The following CORO2B variants were observed in gnomAD, a reference collection of about 807,000 sequenced individuals.
CORO2B encodes the protein coronin 2B.
Under a neutral mutation model 58.8 loss-of-function variants are expected in CORO2B, and 26 were observed. That is an observed-to-expected ratio of 0.44 (90% CI 0.32 to 0.61). The LOEUF (loss-of-function observed/expected upper bound fraction) is 0.61, where lower values mean the gene tolerates loss of function less well. CORO2B is among the 20% of genes least tolerant of loss of function. The probability of loss-of-function intolerance (pLI) is 0.04; values close to 1 mark genes in which losing one functional copy is unlikely to be tolerated. For synonymous variants in CORO2B, 242 were observed against 253.8 expected, an observed-to-expected ratio of 0.95 and a Z score of 0.44; for missense variants, 460 against 645.1, an observed-to-expected ratio of 0.71 and a Z score of 3.11.
chr15:68,528,976 T>C, the CORO2B span, among the ~76,000 whole-genome samples: 1 of 152,228 alleles, frequency 6.6e-6, no homozygotes, highest in Non-Finnish European at 1.5e-5. Context: ...GCTAAATGGC[T>C]AAAGCAAACC....
At chr15:68,679,906 C>A (rs1016182791) in intron 2 of CORO2B, among the ~76,000 whole-genome samples, 2 of 152,200 alleles carry the variant, frequency 1.3e-5, no homozygotes, top group African/African-American at 4.8e-5. Context: ...CTTCTCTGGC[C>A]CCTTACATAT....
upstream of CORO2B, among the ~76,000 whole-genome samples, chr15:68,574,985 T>A (rs1899252685): frequency 6.6e-6 from 1 of 152,184 alleles, no homozygotes; most frequent in Non-Finnish European, 1.5e-5. Context: ...TACCCCACAA[T>A]GTGTACCGTA....
chr15:68,703,964 T>G (rs907783503), intron 3 of CORO2B, among the ~76,000 whole-genome samples: 2 of 151,570 alleles, frequency 1.3e-5, no homozygotes, highest in Admixed American at 1.3e-4. Flanking sequence ...AAGGCAGAGG[T>G]GGGCAGATCA....
the CORO2B span, among the ~76,000 whole-genome samples, chr15:68,572,725 T>C: frequency 6.6e-6 from 1 of 152,184 alleles, no homozygotes; most frequent in African/African-American, 2.4e-5. Flanking sequence ...TGAGAACTGC[T>C]GATTAGGTGT....
At chr15:68,699,903 C>A (rs1892599328) in intron 3 of CORO2B, among the ~76,000 whole-genome samples, 3 of 152,212 alleles carry the variant, frequency 2.0e-5, no homozygotes, top group Non-Finnish European at 4.4e-5. Context: ...AGTTCAGATT[C>A]ATCACGCTCA....
chr15:68,593,941 G>T (rs1436356091), intron 1 of CORO2B, among the ~76,000 whole-genome samples: 1 of 152,032 alleles, frequency 6.6e-6, no homozygotes, highest in Non-Finnish European at 1.5e-5. Flanking sequence ...AAGGGGAAGG[G>T]CTCATTTGGG....
At chr15:68,566,280 C>T in the CORO2B span, among the ~76,000 whole-genome samples, 2 of 152,124 alleles carry the variant, frequency 1.3e-5, no homozygotes, top group African/African-American at 2.4e-5. Flanking sequence ...CCGTCATTAT[C>T]CCCATTTGAT....
intron 1 of CORO2B, among the ~76,000 whole-genome samples, chr15:68,612,032 A>G (rs568708722): frequency 1.3e-5 from 2 of 152,196 alleles, no homozygotes; most frequent in Admixed American, 6.5e-5. Context: ...CCACTGCCCA[A>G]AGTGCAGAGG....
the CORO2B span, among the ~76,000 whole-genome samples, chr15:68,565,793 A>G: frequency 1.3e-5 from 2 of 152,300 alleles, no homozygotes; most frequent in East Asian, 3.9e-4. Flanking sequence ...TGTTCTGGAT[A>G]GAAATAATAC....
At chr15:68,678,110 T>C (rs1567005766) in intron 2 of CORO2B, among the ~76,000 whole-genome samples, 1 of 152,154 alleles carries the variant, frequency 6.6e-6, no homozygotes, top group East Asian at 1.9e-4. Flanking sequence ...CACTTGACTT[T>C]CCCCCCAGAT....
Position 68,669,780 on chromosome 15 carries a change from G to T in CORO2B, c.216+24420G>T, listed in dbSNP as rs189771472. ...AAATAAGAAAAAATAAATAAGGCTG[G>T]GTGTGGTGGCTCATGCCTATAATCC... is the stretch of plus-strand genomic sequence containing the variant. On this transcript the variant is annotated intron_variant, in intron 2 of 11. Transcript: ENST00000261861. Among the ~76,000 whole-genome samples, 262 of 148,276 alleles carry T rather than the reference G, an allele frequency of 1.8e-3. 1 individual carries two copies. The highest frequency in any genetic ancestry group is 6.2e-3 in the African/African-American group (253 of 40,918).
At chr15:68,585,533 G>A (rs143891009) in intron 1 of CORO2B, among the ~76,000 whole-genome samples, 1 of 152,296 alleles carries the variant, frequency 6.6e-6, no homozygotes, top group African/African-American at 2.4e-5. Context: ...TGAATGAATG[G>A]GTGGGGAGCA....
chr15:68,547,794 C>G, the CORO2B span, among the ~76,000 whole-genome samples: 5 of 152,304 alleles, frequency 3.3e-5, no homozygotes, highest in South Asian at 1.0e-3. Context: ...GACATATGTT[C>G]CATAAATATT....
intron 1 of CORO2B, among the ~76,000 whole-genome samples, chr15:68,620,032 C>T (rs1322852023): frequency 2.6e-5 from 4 of 152,252 alleles, no homozygotes; most frequent in East Asian, 3.9e-4. Context: ...CTGCCTCAGC[C>T]TCCTGAGTAG....
intron 8 of CORO2B, 131 bp from the exon 9 acceptor site, chr15:68,718,567 C>G: frequency 1.4e-6 from 1 of 739,748 alleles, no homozygotes; most frequent in East Asian, 2.7e-5. Flanking sequence ...ACCCCCTGCC[C>G]TCTGCATGGG....
At chr15:68,640,758 T>C (rs73425118) in intron 1 of CORO2B, among the ~76,000 whole-genome samples, 3,922 of 152,300 alleles carry the variant, frequency 0.026, 176 homozygotes, top group African/African-American at 0.091. Flanking sequence ...AGGAAATGCA[T>C]GCTGAAGTAA....
chr15:68,717,046 G>A (rs1415665262), intron 8 of CORO2B, among the ~76,000 whole-genome samples: 1 of 152,160 alleles, frequency 6.6e-6, no homozygotes, highest in African/African-American at 2.4e-5. Flanking sequence ...GCTCAAGCCT[G>A]TAATCCTAGC....
In CORO2B at chr15:68,630,113, T is replaced by C. The variant is rs75366659; in HGVS notation, c.16-15047T>C. ...ATGTTCTGCATCCATTACCTCGTTTTCCTCTCCACCCCTCTTCCTCGTGGC... is the reference window on the plus strand; with the variant it reads ...ATGTTCTGCATCCATTACCTCGTTTCCCTCTCCACCCCTCTTCCTCGTGGC... On this transcript the variant is annotated intron_variant, in intron 1 of 11. Coordinates refer to ENST00000261861, the MANE Select transcript of CORO2B (RefSeq NM_006091.5). 5.3e-4 allele frequency among the ~76,000 whole-genome samples: 80 copies of C among 152,250 alleles called. 1 individual carries two copies. The East Asian group carries it at 0.015, about 29-fold the overall frequency.
chr15:68,629,792 G>A (rs1012301093), intron 1 of CORO2B, among the ~76,000 whole-genome samples: 1 of 83,108 alleles, frequency 1.2e-5, no homozygotes, highest in African/African-American at 5.0e-5. Flanking sequence ...ACTCGCTGTG[G>A]AGTCAGGAGC....
Sources: gnomAD v4.1 joint callset for allele counts (sites outside exome capture counted in the v4.1 genomes callset) on GRCh38, gnomAD v4.1.1 for gene constraint, MANE v1.5 for transcripts, NCBI Gene and HGNC (gene_info 2026-07-23, HGNC 2026-07-21) for gene names.